The following AGPS variants were observed in gnomAD, a reference collection of about 807,000 sequenced individuals.
The protein encoded by AGPS is alkyldihydroxyacetonephosphate synthase, peroxisomal.
In AGPS, 26 loss-of-function variants were observed where a neutral mutation model predicts 90.7. That is an observed-to-expected ratio of 0.29 (90% CI 0.21 to 0.40). AGPS has a LOEUF of 0.40. AGPS is among the 10% of genes least tolerant of loss of function. AGPS has a pLI of 1.00. For missense variants in AGPS, 540 were observed against 816.1 expected (o/e 0.66, Z 4.12); for synonymous variants, 294 against 285.3 (o/e 1.03, Z -0.31).
At chr2:177,407,515 G>A (rs1685500152) in intron 1 of AGPS, among the ~76,000 whole-genome samples, 1 of 152,090 alleles carries the variant, frequency 6.6e-6, no homozygotes, top group African/African-American at 2.4e-5. Context: ...AAGAGTTGAG[G>A]TTGGGTGTGG....
In AGPS at chr2:177,413,702, C is replaced by T. The variant is rs115892617; in HGVS notation, c.261-6567C>T. 2.2e-3 allele frequency among the ~76,000 whole-genome samples: 335 copies of T among 152,288 alleles called. 2 individuals carry two copies. Among genetic ancestry groups the T allele is most frequent in the African/African-American group, 7.1e-3 (296 of 41,540 alleles). ...TGATGCAGATTTGGATTGTTTTCCT[C>T]ATTACGTAGATCAACACCTGAGGGT... is the stretch of plus-strand genomic sequence containing the variant. On this transcript the variant is annotated intron_variant, in intron 1 of 19. Coordinates refer to ENST00000264167, the MANE Select transcript of AGPS (RefSeq NM_003659.4).
intron 2 of AGPS, among the ~76,000 whole-genome samples, chr2:177,432,466 T>C (rs890653537): frequency 6.6e-6 from 1 of 152,246 alleles, no homozygotes; most frequent in East Asian, 1.9e-4. Context: ...TAAATGTTGC[T>C]GTAGCTTTGA....
Position 177,430,178 on chromosome 2 carries a change from A to G in AGPS, c.351-4149A>G, listed in dbSNP as rs533769380. Among the ~76,000 whole-genome samples, 4 of 152,350 alleles carry G rather than the reference A, an allele frequency of 2.6e-5. No homozygotes were observed. The East Asian group carries it at 7.7e-4, about 29-fold the overall frequency. ...AGAACAGCTGAGTCAACCTAACCAC[A>G]GAAATGGTGGTTGCTCCTCCTTCAG... On this transcript the variant is annotated intron_variant, in intron 2 of 19. Transcript: ENST00000264167.
intron 8 of AGPS, among the ~76,000 whole-genome samples, chr2:177,455,178 A>G (rs1453772630): frequency 6.6e-6 from 1 of 152,096 alleles, no homozygotes; most frequent in Non-Finnish European, 1.5e-5. Flanking sequence ...TTTACTTTTC[A>G]GTACTCTGCT....
chr2:177,396,830 T>A (rs1361097658), intron 1 of AGPS, among the ~76,000 whole-genome samples: 9 of 152,202 alleles, frequency 5.9e-5, no homozygotes, highest in Non-Finnish European at 4.4e-5. Context: ...AGAAAAGGGA[T>A]GACACAGTCC....
chr2:177,444,178 T>C (rs527635494), intron 7 of AGPS, among the ~76,000 whole-genome samples: 22 of 152,202 alleles, frequency 1.4e-4, no homozygotes, highest in East Asian at 5.8e-4. Flanking sequence ...CCCAGCACTT[T>C]GGGAGGCTGA....
intron 1 of AGPS, chr2:177,393,404 G>A (rs1328492983): frequency 2.0e-6 from 2 of 985,218 alleles, no homozygotes; most frequent in East Asian, 2.3e-4. Flanking sequence ...GGGTAGCAGA[G>A]GTTCTATTTT....
At chr2:177,451,298 A>G (rs1025587235) in intron 8 of AGPS, among the ~76,000 whole-genome samples, 2 of 151,904 alleles carry the variant, frequency 1.3e-5, no homozygotes, top group African/African-American at 2.4e-5. Context: ...AGTAGTACAT[A>G]TTTTTTGGTG....
rs886055162 is a variant in AGPS at position 177,392,869 on chromosome 2, G to GGGACCC, written c.92_97dup (p.Pro31_Asp32dup). ...TACGGGTCTGCAGCGGACCGGGACC[G>GGGACCC]GGACCCGGACCCGGACCGCGCCGGG... is the stretch of plus-strand genomic sequence containing the variant. On this transcript the variant is annotated inframe_insertion, in exon 1 of 20. Transcript: ENST00000264167. The GGGACCC allele has an allele frequency of 1.5e-5, 24 of 1,553,626 alleles. No homozygotes were observed. Among genetic ancestry groups the GGGACCC allele is most frequent in the African/African-American group, 1.1e-4 (8 of 73,118 alleles).
chr2:177,496,453 G>GT (rs1688415535), intron 12 of AGPS, among the ~76,000 whole-genome samples: 1 of 152,034 alleles, frequency 6.6e-6, no homozygotes, highest in Non-Finnish European at 1.5e-5. Flanking sequence ...TAAAGCGCTA[G>GT]TTATACTAGG....
chr2:177,435,001 A>AGG (rs1559044512), intron 3 of AGPS, among the ~76,000 whole-genome samples: 10 of 143,974 alleles, frequency 6.9e-5, no homozygotes, highest in African/African-American at 1.1e-4. Flanking sequence ...CTGTAGGTAT[A>AGG]TATATATATA....
Position 177,538,422 on chromosome 2 carries a change from G to A in AGPS, c.*227G>A, listed in dbSNP as rs559148057. On this transcript the variant is annotated 3_prime_UTR_variant, in exon 20 of 20. Transcript: ENST00000264167. ...TAGGTACATCATTTTACATTCAGCG[G>A]TTGTCATTTCAAATTTTAGTCAGGC... 21 of 543,666 alleles carry A rather than the reference G, an allele frequency of 3.9e-5. No homozygotes were observed. Among genetic ancestry groups the A allele is most frequent in the African/African-American group, 3.4e-4 (18 of 52,542 alleles). The allele number at this position is 543,666 out of a possible 1,614,324, so 33.7% of individuals were successfully genotyped here. A position where few individuals can be genotyped will look rare whatever the true frequency, so the allele number is the denominator to read the frequency against.
chr2:177,462,160 G>T, intron 9 of AGPS, 142 bp downstream of exon 9: 1 of 596,632 alleles, frequency 1.7e-6, no homozygotes, highest in African/African-American at 1.9e-5. Flanking sequence ...GGAGGCCGAG[G>T]CGGGCGGATC....
At chr2:177,508,097 CT>C in intron 16 of AGPS, 66 bp downstream of exon 16, 1 of 1,232,768 alleles carries the variant, frequency 8.1e-7, no homozygotes, top group South Asian at 1.2e-5. Flanking sequence ...AGTAATGTTT[CT>C]TTTTGTGTGA....
At chr2:177,493,730 G>GCC (rs1688335022) in intron 12 of AGPS, among the ~76,000 whole-genome samples, 1 of 152,102 alleles carries the variant, frequency 6.6e-6, no homozygotes, top group Non-Finnish European at 1.5e-5. Flanking sequence ...TCAGCAGTGG[G>GCC]ATTTCTTTGA....
chr2:177,473,419 A>G (rs1181380674), intron 10 of AGPS, among the ~76,000 whole-genome samples: 2 of 152,202 alleles, frequency 1.3e-5, no homozygotes, highest in Admixed American at 6.5e-5. Context: ...GAGAACAAAC[A>G]TATTTGAAAA....
At position 177,521,136 on chromosome 2, in the gene AGPS, G is replaced by C. The variant is rs548296038; in HGVS notation, c.1698-133G>C. 1.3e-4 allele frequency: 107 copies of C among 808,124 alleles called. No individual in the cohort carries two copies. The African/African-American group carries it at 1.6e-3, about 12-fold the overall frequency. 50.1% of individuals were successfully genotyped at this position (808,124 alleles called of 1,614,324 possible). On this transcript the variant is annotated intron_variant, in intron 17 of 19. Transcript: ENST00000264167. Reference sequence around the variant, plus strand: ...CAAGCCAATGTGTATTCCTTCCATGGAGTAGAGGCTGGGAAGAAACTGAGA... The same window carrying C: ...CAAGCCAATGTGTATTCCTTCCATGCAGTAGAGGCTGGGAAGAAACTGAGA...
intron 17 of AGPS, among the ~76,000 whole-genome samples, chr2:177,517,896 C>T (rs1222910629): frequency 1.3e-5 from 2 of 152,136 alleles, no homozygotes; most frequent in Non-Finnish European, 2.9e-5. Flanking sequence ...GGCCAGTTAT[C>T]TTGTAAAACA....
chr2:177,452,736 G>A (rs1574379158), intron 8 of AGPS, among the ~76,000 whole-genome samples: 1 of 151,334 alleles, frequency 6.6e-6, no homozygotes, highest in Admixed American at 6.6e-5. Flanking sequence ...TTTCCCATCT[G>A]TTTTTGTTCT....
Sources: gnomAD v4.1 joint callset for allele counts (sites outside exome capture counted in the v4.1 genomes callset) on GRCh38, gnomAD v4.1.1 for gene constraint, MANE v1.5 for transcripts, NCBI Gene and HGNC (gene_info 2026-07-23, HGNC 2026-07-21) for gene names.